Variants in TULP4 observed in about 807,000 individuals in gnomAD.
The protein encoded by TULP4 is tubby-related protein 4.
A neutral mutation model predicts 129.0 loss-of-function variants in TULP4; 16 were observed. That is an observed-to-expected ratio of 0.12 (90% confidence interval 0.08 to 0.19). TULP4 has a LOEUF of 0.19. Ranked by LOEUF, TULP4 falls within the 10% of genes least tolerant of loss-of-function variation. TULP4 has a pLI of 1.00. For synonymous variants in TULP4, 998 were observed against 854.0 expected, an observed-to-expected ratio of 1.17 and a Z score of -2.94; for missense variants, 1,842 against 2,059.1, an observed-to-expected ratio of 0.89 and a Z score of 2.04.
chr6:158,358,131 G>A (rs765948645), intron 1 of TULP4, among the ~76,000 whole-genome samples: 4 of 152,170 alleles, frequency 2.6e-5, no homozygotes, highest in Non-Finnish European at 5.9e-5. Flanking sequence ...AACCTTTCAG[G>A]ACTTTTCATG....
intron 1 of TULP4, among the ~76,000 whole-genome samples, chr6:158,285,016 G>A (rs1384368492): frequency 6.6e-6 from 1 of 152,004 alleles, no homozygotes; most frequent in Non-Finnish European, 1.5e-5. Flanking sequence ...CCTGCTTTTC[G>A]GGTTCAACAC....
At chr6:158,375,471 C>G (rs1777162067) in intron 1 of TULP4, among the ~76,000 whole-genome samples, 1 of 152,020 alleles carries the variant, frequency 6.6e-6, no homozygotes, top group Non-Finnish European at 1.5e-5. Context: ...CCAGTGTAAC[C>G]AGACAGGTGA....
At chr6:158,423,126 G>C (rs1002445147) in intron 2 of TULP4, among the ~76,000 whole-genome samples, 28 of 149,610 alleles carry the variant, frequency 1.9e-4, no homozygotes, top group African/African-American at 4.2e-4. Flanking sequence ...AAAAAGAGGG[G>C]GGGGGGGGGA....
At chr6:158,488,059 G>T (rs1433330678) in intron 8 of TULP4, among the ~76,000 whole-genome samples, 4 of 152,036 alleles carry the variant, frequency 2.6e-5, no homozygotes, top group Non-Finnish European at 5.9e-5. Context: ...TGAGTCCGGG[G>T]GTTTAAGACA....
intron 1 of TULP4, among the ~76,000 whole-genome samples, chr6:158,297,734 C>T (rs1050359580): frequency 3.3e-5 from 5 of 152,168 alleles, no homozygotes; most frequent in African/African-American, 9.7e-5. Flanking sequence ...ACAAAGATCA[C>T]AAGGCAAAGG....
chr6:158,377,231 A>G (rs1777213161), intron 1 of TULP4, among the ~76,000 whole-genome samples: 1 of 152,222 alleles, frequency 6.6e-6, no homozygotes, highest in Non-Finnish European at 1.5e-5. Context: ...ACACAGTAAC[A>G]TCTCTGTGGC....
At chr6:158,336,048 C>A (rs1780024478) in intron 1 of TULP4, among the ~76,000 whole-genome samples, 1 of 152,202 alleles carries the variant, frequency 6.6e-6, no homozygotes, top group Admixed American at 6.5e-5. Flanking sequence ...ATTTTGCATT[C>A]CCAGCAGCAA....
intron 1 of TULP4, among the ~76,000 whole-genome samples, chr6:158,299,726 A>G (rs761063182): frequency 6.6e-6 from 1 of 152,226 alleles, no homozygotes; most frequent in Non-Finnish European, 1.5e-5. Context: ...TCGTTAGCAT[A>G]GATTTCCACA....
intron 1 of TULP4, among the ~76,000 whole-genome samples, chr6:158,371,472 A>G (rs1483837351): frequency 1.3e-5 from 2 of 152,178 alleles, no homozygotes; most frequent in Admixed American, 6.5e-5. Flanking sequence ...TCAGTTAAAT[A>G]TTAGTATTAT....
At chr6:158,371,706 C>CT (rs1777073351) in intron 1 of TULP4, among the ~76,000 whole-genome samples, 1 of 152,110 alleles carries the variant, frequency 6.6e-6, no homozygotes, top group African/African-American at 2.4e-5. Flanking sequence ...CAAAATAAGT[C>CT]TTTTTTGGTA....
At chr6:158,318,254 G>T (rs561548258) in intron 1 of TULP4, among the ~76,000 whole-genome samples, 24 of 152,258 alleles carry the variant, frequency 1.6e-4, no homozygotes, top group Admixed American at 3.9e-4. Context: ...GAGCTTAGGA[G>T]TTCAAGACCA....
chr6:158,249,419 C>T (rs1025301318), intron 1 of TULP4, among the ~76,000 whole-genome samples: 1 of 152,144 alleles, frequency 6.6e-6, no homozygotes, highest in African/African-American at 2.4e-5. Context: ...ATTTTTAATA[C>T]TGGGACAGAA....
At chr6:158,238,329 G>C (rs199862313) in intron 1 of TULP4, 2 of 829,364 alleles carry the variant, frequency 2.4e-6, no homozygotes, top group Admixed American at 3.8e-5. Flanking sequence ...AGAGATGCTC[G>C]GGACTTTGGG....
chr6:158,502,878 G>A lies in TULP4; in HGVS notation c.3215G>A (p.Ser1072Asn). ...TCCCAGTCCTCCTACAGCCTCCTGA[G>A]CCCACCCGACAGCGCCCGCGACCGC... ...LASQSSYSLL[S>N]PPDSARDRTD... Residue 1072 changes from serine (S) to asparagine (N), a missense_variant, in exon 13 of 14, where the codon AGC becomes AAC. Physicochemically the swap from Ser to Asn is conservative, Grantham distance 46 (BLOSUM62 1). Transcript: ENST00000367097. The A allele has an allele frequency of 5.6e-6, 9 of 1,613,810 alleles. No homozygotes were observed. The highest frequency in any genetic ancestry group is 7.6e-6 in the Non-Finnish European group (9 of 1,180,012).
chr6:158,263,993 G>A (rs927217939), intron 1 of TULP4, among the ~76,000 whole-genome samples: 3 of 152,066 alleles, frequency 2.0e-5, no homozygotes, highest in Admixed American at 6.5e-5. Context: ...AATCCAGGAG[G>A]CAGAGCTTGC....
intron 1 of TULP4, among the ~76,000 whole-genome samples, chr6:158,394,281 C>G (rs1049700924): frequency 6.6e-6 from 1 of 152,192 alleles, no homozygotes; most frequent in Non-Finnish European, 1.5e-5. Flanking sequence ...GTATCACTAT[C>G]AGCATTTTGG....
chr6:158,368,066 C>CAAAAAAAA (rs3085241), intron 1 of TULP4, among the ~76,000 whole-genome samples: 3 of 65,016 alleles, frequency 4.6e-5, no homozygotes, highest in South Asian at 6.9e-4. Context: ...ACCCTGTCTC[C>CAAAAAAAA]AAAAAAAAAA....
intron 5 of TULP4, among the ~76,000 whole-genome samples, chr6:158,456,240 G>A (rs1236998371): frequency 6.6e-6 from 1 of 152,148 alleles, no homozygotes; most frequent in African/African-American, 2.4e-5. Context: ...AGTCTTTCCT[G>A]GTTATTTGGG....
chr6:158,307,006 G>C (rs900636977), intron 1 of TULP4, among the ~76,000 whole-genome samples: 4 of 152,160 alleles, frequency 2.6e-5, no homozygotes, highest in African/African-American at 9.7e-5. Context: ...GGGCGACAGA[G>C]TGAGGCTGTG....
Sources: gnomAD v4.1 joint callset for allele counts (sites outside exome capture counted in the v4.1 genomes callset) on GRCh38, gnomAD v4.1.1 for gene constraint, MANE v1.5 for transcripts, NCBI Gene and HGNC (gene_info 2026-07-23, HGNC 2026-07-21) for gene names.